UBASH3B: variants seen among roughly 807,000 people sequenced by gnomAD.
The protein encoded by UBASH3B is ubiquitin-associated and SH3 domain-containing protein B.
A neutral mutation model predicts 83.4 loss-of-function variants in UBASH3B; 37 were observed. That is an observed-to-expected ratio of 0.44 (90% CI 0.34 to 0.58). The LOEUF is 0.58. Ranked by LOEUF, UBASH3B falls within the 20% of genes least tolerant of loss-of-function variation. UBASH3B has a pLI of 0.01. For missense variants in UBASH3B, 657 were observed against 827.2 expected, an observed-to-expected ratio of 0.79 and a Z score of 2.52; for synonymous variants, 304 against 318.3, an observed-to-expected ratio of 0.96 and a Z score of 0.48.
chr11:122,799,190 G>A (rs1477957560), intron 10 of UBASH3B, among the ~76,000 whole-genome samples, 156 bp downstream of exon 10: 1 of 152,106 alleles, frequency 6.6e-6, no homozygotes, highest in Non-Finnish European at 1.5e-5. Flanking sequence ...CTTTGCACAA[G>A]TCACAAAAAC....
At position 122,794,751 on chromosome 11, in the gene UBASH3B, GA is replaced by G; in HGVS notation, c.1031del (p.Asp344ValfsTer30). 2 of 1,614,150 alleles carry G rather than the reference GA, an allele frequency of 1.2e-6. No individual in the cohort carries two copies. The highest frequency in any genetic ancestry group is 1.7e-6 in the Non-Finnish European group (2 of 1,180,028). On this transcript the variant is annotated frameshift_variant, in exon 7 of 14. Coordinates refer to ENST00000284273, the MANE Select transcript of UBASH3B (RefSeq NM_032873.5). LOFTEE classifies it high-confidence loss of function. ...TSSSNSLTFG[D>X]GVLERRPYED... ...GTCATCCAACTCTCTCACGTTTGGGGATGGAGTATTGGAGAGGCGGCCTTAT... is the reference window on the plus strand; with the variant it reads ...GTCATCCAACTCTCTCACGTTTGGGGTGGAGTATTGGAGAGGCGGCCTTAT...
At chr11:122,699,022 G>A (rs543154366) in intron 1 of UBASH3B, among the ~76,000 whole-genome samples, 13 of 152,258 alleles carry the variant, frequency 8.5e-5, no homozygotes, top group African/African-American at 2.9e-4. Flanking sequence ...GCTAATTTTC[G>A]TATTTTTAGT....
At chr11:122,745,510 G>A (rs944590924) in intron 1 of UBASH3B, among the ~76,000 whole-genome samples, 12 of 152,222 alleles carry the variant, frequency 7.9e-5, no homozygotes, top group African/African-American at 2.7e-4. Flanking sequence ...TGAAAGAATG[G>A]ATTCCGTTTC....
At chr11:122,728,956 G>A (rs570734548) in intron 1 of UBASH3B, among the ~76,000 whole-genome samples, 6 of 152,206 alleles carry the variant, frequency 3.9e-5, no homozygotes, top group African/African-American at 9.6e-5. Context: ...AAGGCCACCC[G>A]GTCAGACGGG....
chr11:122,698,135 G>T (rs1863986490), intron 1 of UBASH3B, among the ~76,000 whole-genome samples: 1 of 152,144 alleles, frequency 6.6e-6, no homozygotes, highest in South Asian at 2.1e-4. Flanking sequence ...GGCAGAGCTG[G>T]GCTCAGCCAC....
chr11:122,760,853 G>A (rs770304182), intron 1 of UBASH3B, among the ~76,000 whole-genome samples: 2 of 152,192 alleles, frequency 1.3e-5, no homozygotes, highest in African/African-American at 2.4e-5. Context: ...TGGCAGCAGT[G>A]TAAACTGGAA....
Position 122,792,904 on chromosome 11 carries a change from A to G in UBASH3B, c.981-1798A>G, listed in dbSNP as rs573475536. 2.6e-5 allele frequency among the ~76,000 whole-genome samples: 4 copies of G among 152,064 alleles called. No individual in the cohort carries two copies. The East Asian group carries it at 5.8e-4, about 22-fold the overall frequency. On this transcript the variant is annotated intron_variant, in intron 6 of 13. Transcript: ENST00000284273. The stretch of plus-strand genomic sequence containing the variant: ...TTTTAAGTCTCCTGGTGATTCTGAT[A>G]TGCACAAGGGTTCAAAATCAGTTTT...
At chr11:122,715,098 A>T (rs1227697950) in intron 1 of UBASH3B, among the ~76,000 whole-genome samples, 2 of 151,894 alleles carry the variant, frequency 1.3e-5, no homozygotes, top group African/African-American at 4.8e-5. Context: ...GGCGCCCACT[A>T]CCACACCCGG....
chr11:122,721,734 C>T (rs1031990006), intron 1 of UBASH3B, among the ~76,000 whole-genome samples: 1 of 152,184 alleles, frequency 6.6e-6, no homozygotes, highest in African/African-American at 2.4e-5. Flanking sequence ...CCTTTTTACC[C>T]TAGTGAGGTT....
At chr11:122,674,683 A>T (rs1863643453) in intron 1 of UBASH3B, among the ~76,000 whole-genome samples, 2 of 148,394 alleles carry the variant, frequency 1.3e-5, no homozygotes, top group African/African-American at 5.0e-5. Flanking sequence ...GCCCAGCCCA[A>T]ACATTGTCTT....
In UBASH3B at chr11:122,755,570, C is replaced by T. The variant is rs529042744; in HGVS notation, c.162-20649C>T. Among the ~76,000 whole-genome samples, 10 of 152,272 alleles carry T rather than the reference C, an allele frequency of 6.6e-5. No homozygotes were observed. In the South Asian group the frequency reaches 2.1e-3, roughly 32 times the overall value. Reference sequence around the variant, plus strand: ...GCTCTGCAGGGAAAAGGCATGCTCTCTGCTCCTGGGTTGTACCAAAGCGGC... The same window carrying T: ...GCTCTGCAGGGAAAAGGCATGCTCTTTGCTCCTGGGTTGTACCAAAGCGGC... On this transcript the variant is annotated intron_variant, in intron 1 of 13. Coordinates refer to ENST00000284273, the MANE Select transcript of UBASH3B (RefSeq NM_032873.5).
intron 1 of UBASH3B, among the ~76,000 whole-genome samples, chr11:122,728,906 A>T (rs1448752433): frequency 3.3e-5 from 5 of 152,220 alleles, no homozygotes; most frequent in Admixed American, 3.3e-4. Flanking sequence ...CCTCCCTCTC[A>T]CTTTGGAAGT....
intron 1 of UBASH3B, among the ~76,000 whole-genome samples, chr11:122,722,798 C>T (rs1181512159): frequency 6.6e-6 from 1 of 151,992 alleles, no homozygotes; most frequent in Non-Finnish European, 1.5e-5. Context: ...CTCTGCCTCC[C>T]AGGTGCATGC....
In UBASH3B at chr11:122,779,829, CA is replaced by C. The variant is rs368722790; in HGVS notation, c.601+141del. ...GGACCCTGCAGGAATGGACGTGTGA[CA>C]AAAAAACAGCCTTTTCCTGCAGCAC... is the stretch of plus-strand genomic sequence containing the variant. On this transcript the variant is annotated intron_variant, in intron 4 of 13. Coordinates refer to ENST00000284273, the MANE Select transcript of UBASH3B (RefSeq NM_032873.5). 7.7e-3 allele frequency: 8,119 copies of C among 1,049,018 alleles called. 50 individuals are homozygous for C. Among genetic ancestry groups the C allele is most frequent in the Non-Finnish European group, 9.9e-3 (7,215 of 730,916 alleles). 65.0% of individuals were successfully genotyped at this position (1,049,018 alleles called of 1,614,324 possible). A position where few individuals can be genotyped will look rare whatever the true frequency, so the allele number is the denominator to read the frequency against.
chr11:122,797,275 G>T, intron 9 of UBASH3B: 2 of 410,278 alleles, frequency 4.9e-6, no homozygotes, highest in Non-Finnish European at 8.7e-6. Flanking sequence ...GTAATGGCGT[G>T]GGTTACTGTG....
intron 1 of UBASH3B, among the ~76,000 whole-genome samples, chr11:122,725,342 A>AAAAAAAAAAAAAAAAGAGAG (rs71281633): frequency 4.2e-4 from 55 of 130,806 alleles, no homozygotes; most frequent in Non-Finnish European, 6.8e-4. Flanking sequence ...AAAAAAAAAA[A>AAAAAAAAAAAAAAAAGAGAG]AAGAAAAGAA....
rs748206437 is a variant in UBASH3B, at chr11:122,808,031, GAA to G, written c.1703-34_1703-33del. The G allele has an allele frequency of 1.2e-5, 19 of 1,531,148 alleles. No homozygotes were observed. In the East Asian group the frequency reaches 4.1e-4, roughly 33 times the overall value. The allele number at this position is 1,531,148 out of a possible 1,614,324, so 94.8% of individuals were successfully genotyped here. ...TTTGCAAAGTTTCCATGTCTTTATA[GAA>G]ACAGTCTTCCCATACCTTGCCATTT... On this transcript the variant is annotated intron_variant, in intron 12 of 13. Transcript: ENST00000284273.
chr11:122,754,047 C>T (rs762374653), intron 1 of UBASH3B, among the ~76,000 whole-genome samples: 2 of 152,156 alleles, frequency 1.3e-5, no homozygotes, highest in Non-Finnish European at 2.9e-5. Flanking sequence ...GAAACATGGC[C>T]AGTGTGATGT....
intron 4 of UBASH3B, among the ~76,000 whole-genome samples, chr11:122,781,512 G>A (rs1257131444): frequency 6.6e-6 from 1 of 152,216 alleles, no homozygotes. Context: ...TTTCCCTGTG[G>A]GACGCGGGTG....
Sources: allele counts gnomAD v4.1 joint callset (sites outside exome capture counted in the v4.1 genomes callset), GRCh38; gene constraint gnomAD v4.1.1; transcripts MANE v1.5; gene names NCBI Gene and HGNC (gene_info 2026-07-23, HGNC 2026-07-21).